Variants in GRAMD1C observed in about 807,000 individuals in gnomAD.
The protein encoded by GRAMD1C is GRAM domain containing 1C, also known as protein Aster-C.
Under a neutral mutation model 97.8 loss-of-function variants are expected in GRAMD1C, and 89 were observed. The observed-to-expected ratio is 0.91, with a 90% confidence interval of 0.77 to 1.09. The LOEUF (loss-of-function observed/expected upper bound fraction) is 1.09. GRAMD1C is among the 50% of genes least tolerant of loss of function. The pLI is 0.00. For missense variants in GRAMD1C, 740 were observed against 766.4 expected (o/e 0.97, Z 0.41); for synonymous variants, 256 against 267.0 (o/e 0.96, Z 0.40).
At position 113,868,917 on chromosome 3, in the gene GRAMD1C, G is replaced by A. The variant is rs1484026618; in HGVS notation, c.175-590G>A. On this transcript the variant is annotated intron_variant, in intron 2 of 17. Coordinates refer to ENST00000358160, the MANE Select transcript of GRAMD1C (RefSeq NM_017577.5). ...CCTTCAAGATCTTTCTAAGCTCCTT[G>A]CTAATTTGCCATTCTGCTTGCTCCA... Among the ~76,000 whole-genome samples, 4 of 151,970 alleles carry A rather than the reference G, an allele frequency of 2.6e-5. No homozygotes were observed. In the East Asian group the frequency reaches 5.8e-4, roughly 22 times the overall value.
upstream of GRAMD1C, among the ~76,000 whole-genome samples, chr3:113,835,698 A>G (rs1306318748): frequency 6.6e-6 from 1 of 152,236 alleles, no homozygotes; most frequent in African/African-American, 2.4e-5. Context: ...GCAGTCAGTC[A>G]TATTAGTCAG....
intron 2 of GRAMD1C, among the ~76,000 whole-genome samples, chr3:113,849,295 A>T (rs1465043773): frequency 3.5e-4 from 53 of 149,502 alleles, no homozygotes; most frequent in Middle Eastern, 3.4e-3. Flanking sequence ...TTATTTATTT[A>T]TTTATTTATT....
At chr3:113,836,078 A>G (rs1709626523), upstream of GRAMD1C, among the ~76,000 whole-genome samples, 1 of 152,180 alleles carries the variant, frequency 6.6e-6, no homozygotes, top group Non-Finnish European at 1.5e-5. Flanking sequence ...AGCCTGGCCA[A>G]CATGGTGAAA....
At chr3:113,871,466 G>A (rs567449930) in intron 3 of GRAMD1C, among the ~76,000 whole-genome samples, 10 of 152,054 alleles carry the variant, frequency 6.6e-5, no homozygotes, top group South Asian at 6.2e-4. Context: ...CCAGGAGTTC[G>A]AGATCATCCT....
intron 3 of GRAMD1C, among the ~76,000 whole-genome samples, chr3:113,870,797 G>A (rs1482744306): frequency 6.6e-6 from 1 of 151,670 alleles, no homozygotes; most frequent in Non-Finnish European, 1.5e-5. Flanking sequence ...ATTCAGGGAG[G>A]AGTGATTTTT....
chr3:113,887,276 G>T (rs573069222), intron 6 of GRAMD1C, among the ~76,000 whole-genome samples: 1 of 151,232 alleles, frequency 6.6e-6, no homozygotes, highest in Non-Finnish European at 1.5e-5. Flanking sequence ...ATTTTTAGTA[G>T]AGGTGGGGTT....
intron 2 of GRAMD1C, among the ~76,000 whole-genome samples, chr3:113,856,424 A>C (rs1371520716): frequency 3.3e-5 from 5 of 152,138 alleles, no homozygotes; most frequent in African/African-American, 1.2e-4. Context: ...CACAACAGGA[A>C]TTCCTCATGT....
intron 2 of GRAMD1C, among the ~76,000 whole-genome samples, chr3:113,856,055 T>G (rs1329407125): frequency 6.6e-6 from 1 of 151,758 alleles, no homozygotes; most frequent in East Asian, 1.9e-4. Context: ...GCTAAGCTAA[T>G]TTTTATATTT....
rs1936470430 is a variant in GRAMD1C, at chr3:113,909,070, A to T, written c.902A>T (p.Asn301Ile). 6.4e-7 allele frequency: 1 copy of T among 1,562,820 alleles called. No individual in the cohort carries two copies. The highest frequency in any genetic ancestry group is 1.4e-5 in the African/African-American group (1 of 72,428). The change falls in exon 9 of 18, where the codon AAT (asparagine) becomes ATT (isoleucine). Residue 301 changes from asparagine to isoleucine, a missense_variant. Physicochemically the swap from Asn to Ile is moderately radical, Grantham distance 149 (BLOSUM62 -3). Transcript: ENST00000358160. ...VPSKSLDLNK[N>I]EYLSLDKSST... Reference sequence around the variant, plus strand: ...TCAAAGTCACTGGACTTGAATAAAAATGAATATCTTTCTCTGGACAAAAGC... The same window carrying T: ...TCAAAGTCACTGGACTTGAATAAAATTGAATATCTTTCTCTGGACAAAAGC...
intron 10 of GRAMD1C, 54 bp downstream of exon 10, chr3:113,915,892 TAGA>T: frequency 7.5e-7 from 1 of 1,341,018 alleles, no homozygotes; most frequent in Non-Finnish European, 1.1e-6. Flanking sequence ...CTATTATTCT[TAGA>T]ATATTGAGCA....
chr3:113,844,443 T>A, intron 1 of GRAMD1C, 60 bp from the exon 2 acceptor site: 1 of 1,170,412 alleles, frequency 8.5e-7, no homozygotes, highest in Non-Finnish European at 1.3e-6. Context: ...ATTAACTTTT[T>A]TCTTTTTAAA....
Position 113,930,910 on chromosome 3 carries a change from A to G in GRAMD1C, c.1209+78A>G, listed in dbSNP as rs543158908. Reference sequence around the variant, plus strand: ...GATGCCTATTATAGTTCACCAATTTACAAGACAGTTTCAATAAACAAGTGG... The same window carrying G: ...GATGCCTATTATAGTTCACCAATTTGCAAGACAGTTTCAATAAACAAGTGG... On this transcript the variant is annotated intron_variant, in intron 11 of 17. Transcript: ENST00000358160. The G allele has an allele frequency of 5.9e-5, 42 of 717,048 alleles. No individual in the cohort carries two copies. The East Asian group carries it at 1.1e-3, about 18-fold the overall frequency. 44.4% of individuals were successfully genotyped at this position (717,048 alleles called of 1,614,324 possible). A position where few individuals can be genotyped will look rare whatever the true frequency, so the allele number is the denominator to read the frequency against.
Position 113,838,822 on chromosome 3 carries a change from T to C in GRAMD1C, c.-88T>C. On this transcript the variant is annotated 5_prime_UTR_variant, in exon 1 of 18. Transcript: ENST00000358160. ...GCCGGCGGAGGAGGCGCGCGGAGCC[T>C]GTAACTCGCAGCGCGCGCTGGAGGT... 2.0e-6 allele frequency: 2 copies of C among 986,914 alleles called. No individual in the cohort carries two copies. Among genetic ancestry groups the C allele is most frequent in the Non-Finnish European group, 2.6e-6 (2 of 767,110 alleles). 61.1% of individuals were successfully genotyped at this position (986,914 alleles called of 1,614,324 possible).
chr3:113,898,395 G>A (rs907125292), intron 6 of GRAMD1C, among the ~76,000 whole-genome samples: 1 of 152,024 alleles, frequency 6.6e-6, no homozygotes, highest in Non-Finnish European at 1.5e-5. Flanking sequence ...ATCCTAGTAA[G>A]ACACTAAAAT....
intron 2 of GRAMD1C, among the ~76,000 whole-genome samples, chr3:113,851,730 C>G (rs1933914440): frequency 6.6e-6 from 1 of 151,972 alleles, no homozygotes; most frequent in Admixed American, 6.6e-5. Context: ...GTGAGCCAGG[C>G]TGTTCTCAAG....
rs1451703839 is a variant in GRAMD1C, at chr3:113,876,153, TTG to T, written c.364-6_364-5del. Reference sequence around the variant, plus strand: ...CTGAAAAATACATTAAAAAAATTTTTTGTGTGTTTAGATTTCTATTGCTTTAA... The same window carrying T: ...CTGAAAAATACATTAAAAAAATTTTTTGTGTTTAGATTTCTATTGCTTTAA... On this transcript the variant is annotated splice_polypyrimidine_tract_variant and intron_variant, in intron 4 of 17. Coordinates refer to ENST00000358160, the MANE Select transcript of GRAMD1C (RefSeq NM_017577.5). 3 of 1,352,724 alleles carry T rather than the reference TTG, an allele frequency of 2.2e-6. No homozygotes were observed. In the African/African-American group the frequency reaches 4.3e-5, roughly 20 times the overall value. 83.8% of individuals were successfully genotyped at this position (1,352,724 alleles called of 1,614,324 possible). A position where few individuals can be genotyped will look rare whatever the true frequency, so the allele number is the denominator to read the frequency against.
At chr3:113,871,123 A>G (rs1391760909) in intron 3 of GRAMD1C, among the ~76,000 whole-genome samples, 1 of 152,058 alleles carries the variant, frequency 6.6e-6, no homozygotes, top group Non-Finnish European at 1.5e-5. Flanking sequence ...CTTGATGTTC[A>G]ATATATATTT....
At chr3:113,833,104 C>CT (rs201259499) in intron 1 of GRAMD1C, among the ~76,000 whole-genome samples, 1,477 of 130,914 alleles carry the variant, frequency 0.011, 17 homozygotes, top group Non-Finnish European at 0.019. Context: ...CTTTTCTTTT[C>CT]TTTCTTTCTT....
rs1184100598 is a variant in GRAMD1C, at chr3:113,926,137, G to T, written c.1091-4577G>T. Among the ~76,000 whole-genome samples the T allele has an allele frequency of 2.0e-5, 3 of 152,092 alleles. No individual in the cohort carries two copies. In the East Asian group the frequency reaches 5.8e-4, roughly 29 times the overall value. ...GGAAGTTTTTGTGGATGATATTTTC[G>T]AATATGTTGTCCAAGTTGCTTGTTT... On this transcript the variant is annotated intron_variant, in intron 10 of 17. Transcript: ENST00000358160.
Sources: allele counts gnomAD v4.1 joint callset (sites outside exome capture counted in the v4.1 genomes callset), GRCh38; gene constraint gnomAD v4.1.1; transcripts MANE v1.5; gene names NCBI Gene and HGNC (gene_info 2026-07-23, HGNC 2026-07-21).